Variants in DOCK5 observed in about 807,000 individuals in gnomAD.
The protein encoded by DOCK5 is dedicator of cytokinesis 5, also known as dedicator of cytokinesis protein 5.
DOCK5 carries 142 observed loss-of-function variants against 251.8 expected under a neutral mutation model. That is an observed-to-expected ratio of 0.56 (90% CI 0.49 to 0.65). The LOEUF is 0.65. Among genes scored for constraint, DOCK5 ranks in the 30% least tolerant of loss-of-function variants. The pLI, the probability that DOCK5 is intolerant of heterozygous loss-of-function variation, is 0.00. For synonymous variants in DOCK5, 842 were observed against 835.5 expected, an observed-to-expected ratio of 1.01 and a Z score of -0.13; for missense variants, 2,111 against 2,312.3, an observed-to-expected ratio of 0.91 and a Z score of 1.79.
At chr8:25,382,972 T>C (rs903372975) in intron 40 of DOCK5, among the ~76,000 whole-genome samples, 194 bp downstream of exon 40, 6 of 119,910 alleles carry the variant, frequency 5.0e-5, no homozygotes, top group African/African-American at 1.0e-4. Context: ...TCTGCAGGTC[T>C]TTTGTGAAAT....
At chr8:25,268,396 CAG>C (rs963096789) in intron 2 of DOCK5, among the ~76,000 whole-genome samples, 2 of 151,734 alleles carry the variant, frequency 1.3e-5, no homozygotes, top group Non-Finnish European at 2.9e-5. Flanking sequence ...CCTGGGAACT[CAG>C]AAGAGTTACA....
At chr8:25,348,761 C>T (rs564187261) in intron 26 of DOCK5, among the ~76,000 whole-genome samples, 27 of 151,994 alleles carry the variant, frequency 1.8e-4, no homozygotes, top group African/African-American at 6.5e-4. Context: ...TCACTTGAAC[C>T]CGGGAGGCAG....
intron 48 of DOCK5, among the ~76,000 whole-genome samples, chr8:25,406,599 A>G (rs1801527626): frequency 6.6e-6 from 1 of 151,440 alleles, no homozygotes; most frequent in Non-Finnish European, 1.5e-5. Flanking sequence ...TTTTATTATA[A>G]GCATTTGTCA....
intron 27 of DOCK5, among the ~76,000 whole-genome samples, chr8:25,352,700 G>A (rs537386772): frequency 1.3e-5 from 2 of 152,250 alleles, no homozygotes; most frequent in South Asian, 4.1e-4. Context: ...GCACTGCTCT[G>A]GACACTGAAG....
At chr8:25,267,029 G>C (rs1263294150) in intron 2 of DOCK5, among the ~76,000 whole-genome samples, 3 of 152,130 alleles carry the variant, frequency 2.0e-5, no homozygotes, top group Admixed American at 6.5e-5. Flanking sequence ...TGAATATCTT[G>C]TTTCTCAGCC....
intron 1 of DOCK5, among the ~76,000 whole-genome samples, chr8:25,225,939 T>C (rs1207426216): frequency 1.3e-5 from 2 of 152,140 alleles, no homozygotes; most frequent in Non-Finnish European, 2.9e-5. Context: ...GTTACACTTT[T>C]GCAAGATGAA....
intron 1 of DOCK5, among the ~76,000 whole-genome samples, chr8:25,238,888 C>A (rs1802867940): frequency 6.6e-6 from 1 of 152,134 alleles, no homozygotes; most frequent in Non-Finnish European, 1.5e-5. Context: ...GAGAAAGACA[C>A]AAAAGTAATG....
intron 2 of DOCK5, among the ~76,000 whole-genome samples, chr8:25,259,148 A>T (rs779066194): frequency 1.3e-5 from 2 of 152,194 alleles, no homozygotes; most frequent in African/African-American, 2.4e-5. Context: ...TGAATGCATG[A>T]ATGAATAAAT....
chr8:25,360,019 G>C (rs1295405946), intron 28 of DOCK5, among the ~76,000 whole-genome samples: 1 of 152,218 alleles, frequency 6.6e-6, no homozygotes, highest in Non-Finnish European at 1.5e-5. Flanking sequence ...GACAGGATGT[G>C]CCGCTGGATT....
chr8:25,322,037 AATTG>A (rs1384432665), intron 16 of DOCK5, among the ~76,000 whole-genome samples: 10 of 152,162 alleles, frequency 6.6e-5, no homozygotes, highest in African/African-American at 2.4e-4. Flanking sequence ...CAGAGAAGAA[AATTG>A]ATTGTTTTCA....
At chr8:25,366,741 A>T in intron 30 of DOCK5, 129 bp from the exon 31 acceptor site, 1 of 637,952 alleles carries the variant, frequency 1.6e-6, no homozygotes, top group Non-Finnish European at 2.7e-6. Context: ...CCTAAGAAGA[A>T]TGTAGATTGT....
chr8:25,398,228 A>G (rs998676667), intron 45 of DOCK5, among the ~76,000 whole-genome samples: 2 of 152,224 alleles, frequency 1.3e-5, no homozygotes, highest in African/African-American at 4.8e-5. Flanking sequence ...TACCAAAAAC[A>G]AAATTGTTAC....
At chr8:25,226,844 C>T (rs1399030689) in intron 1 of DOCK5, among the ~76,000 whole-genome samples, 4 of 152,070 alleles carry the variant, frequency 2.6e-5, no homozygotes, top group Admixed American at 2.6e-4. Context: ...CTTGGCCTCC[C>T]AAAGTGCTGG....
At chr8:25,408,994 A>G (rs1233314488) in intron 50 of DOCK5, 54 bp downstream of exon 50, 1 of 1,611,282 alleles carries the variant, frequency 6.2e-7, no homozygotes, top group Non-Finnish European at 8.5e-7. Context: ...GAGTATGTTT[A>G]TGCATCTGGG....
chr8:25,256,393 C>G (rs1298366447), intron 2 of DOCK5, among the ~76,000 whole-genome samples: 1 of 152,108 alleles, frequency 6.6e-6, no homozygotes, highest in Non-Finnish European at 1.5e-5. Context: ...AATCCCAACA[C>G]TTTGGGAGGC....
At chr8:25,337,066 C>A (rs2117224991) in intron 22 of DOCK5, among the ~76,000 whole-genome samples, 2 of 151,966 alleles carry the variant, frequency 1.3e-5, no homozygotes, top group Middle Eastern at 3.4e-3. Flanking sequence ...ACATATAGTA[C>A]AGATGAAAGT....
chr8:25,374,468 G>A, intron 36 of DOCK5, 96 bp from the exon 37 acceptor site: 1 of 1,181,336 alleles, frequency 8.5e-7, no homozygotes, highest in South Asian at 1.4e-5. Flanking sequence ...GCATACTGCA[G>A]CCTGGGCAAT....
chr8:25,310,918 C>G (rs1805075449), intron 13 of DOCK5, among the ~76,000 whole-genome samples: 1 of 152,180 alleles, frequency 6.6e-6, no homozygotes, highest in African/African-American at 2.4e-5. Context: ...CAGACTCTCT[C>G]AAATAGCACA....
At chr8:25,240,312 A>G (rs1802910311) in intron 1 of DOCK5, among the ~76,000 whole-genome samples, 1 of 151,960 alleles carries the variant, frequency 6.6e-6, no homozygotes, top group African/African-American at 2.4e-5. Context: ...GTCAAGTGTA[A>G]TTTATATACC....
Sources: gnomAD v4.1 joint callset for allele counts (sites outside exome capture counted in the v4.1 genomes callset) on GRCh38, gnomAD v4.1.1 for gene constraint, MANE v1.5 for transcripts, NCBI Gene and HGNC (gene_info 2026-07-23, HGNC 2026-07-21) for gene names.